SLC35F4: variants seen among roughly 807,000 people sequenced by gnomAD.
The protein encoded by SLC35F4 is chromosome 14 open reading frame 36.
SLC35F4 carries 24 observed loss-of-function variants against 44.2 expected under a neutral mutation model. That is an observed-to-expected ratio of 0.54 (90% CI 0.39 to 0.76). The LOEUF is 0.76. Among genes scored for constraint, SLC35F4 ranks in the 30% least tolerant of loss-of-function variants. The probability of loss-of-function intolerance (pLI) is 0.00; values close to 1 mark genes in which losing one functional copy is unlikely to be tolerated. For synonymous variants in SLC35F4, 238 were observed against 223.6 expected (o/e 1.06, Z -0.57); for missense variants, 562 against 586.1 (o/e 0.96, Z 0.42).
At chr14:57,741,867 C>T (rs1324662363) in intron 1 of SLC35F4, among the ~76,000 whole-genome samples, 1 of 152,200 alleles carries the variant, frequency 6.6e-6, no homozygotes, top group African/African-American at 2.4e-5. Flanking sequence ...AGACTAACAG[C>T]AGATCTCTTG....
chr14:57,675,651 T>G (rs111254292), intron 1 of SLC35F4, among the ~76,000 whole-genome samples: 22,446 of 152,102 alleles, frequency 0.15, 1,903 homozygotes, highest in East Asian at 0.29. Context: ...GCTGTGGGTT[T>G]GTCATATATT....
chr14:57,770,706 A>C (rs1251667142), intron 1 of SLC35F4, among the ~76,000 whole-genome samples: 1 of 152,174 alleles, frequency 6.6e-6, no homozygotes, highest in Non-Finnish European at 1.5e-5. Context: ...AAGGATTTTC[A>C]AGTCAAATTT....
At chr14:57,781,155 G>T (rs920812688) in intron 1 of SLC35F4, among the ~76,000 whole-genome samples, 1 of 152,038 alleles carries the variant, frequency 6.6e-6, no homozygotes, top group African/African-American at 2.4e-5. Flanking sequence ...AGAAATATTT[G>T]CAAGCAATGC....
At chr14:57,604,874 T>C (rs147179628) in intron 1 of SLC35F4, among the ~76,000 whole-genome samples, 3,687 of 152,268 alleles carry the variant, frequency 0.024, 73 homozygotes, top group Middle Eastern at 0.054. Context: ...CCCTATTCAA[T>C]AAATGGTGCT....
chr14:57,719,766 A>C (rs957293938), intron 1 of SLC35F4, among the ~76,000 whole-genome samples: 1 of 152,136 alleles, frequency 6.6e-6, no homozygotes, highest in Non-Finnish European at 1.5e-5. Flanking sequence ...AACAATGATA[A>C]TTTGGCTCCT....
At chr14:57,750,221 ATTC>A (rs1431320433) in intron 1 of SLC35F4, among the ~76,000 whole-genome samples, 1 of 152,102 alleles carries the variant, frequency 6.6e-6, no homozygotes, top group Admixed American at 6.5e-5. Flanking sequence ...ACAGGATTTC[ATTC>A]TTTTTTTTAG....
chr14:57,948,330 A>G (rs1434165068), intron 1 of SLC35F4, among the ~76,000 whole-genome samples: 1 of 152,078 alleles, frequency 6.6e-6, no homozygotes, highest in Non-Finnish European at 1.5e-5. Context: ...AAAGTTATTC[A>G]TAGTAGCCTT....
chr14:57,832,156 A>G (rs576563888), intron 1 of SLC35F4, among the ~76,000 whole-genome samples: 5 of 152,326 alleles, frequency 3.3e-5, no homozygotes, highest in African/African-American at 9.6e-5. Flanking sequence ...TAGGAGGCAC[A>G]TACAGCCTTC....
intron 1 of SLC35F4, among the ~76,000 whole-genome samples, chr14:57,825,913 A>C (rs925581477): frequency 6.6e-6 from 1 of 152,220 alleles, no homozygotes; most frequent in Non-Finnish European, 1.5e-5. Context: ...AGAAAGAATC[A>C]ATATCACAAA....
intron 1 of SLC35F4, among the ~76,000 whole-genome samples, chr14:57,673,846 C>A (rs139513384): frequency 1.3e-5 from 2 of 152,020 alleles, no homozygotes; most frequent in African/African-American, 4.8e-5. Context: ...AACTTCTGCT[C>A]ATTATTGTAC....
chr14:57,624,476 C>G (rs1021293093), intron 1 of SLC35F4, among the ~76,000 whole-genome samples: 23 of 152,260 alleles, frequency 1.5e-4, no homozygotes, highest in Admixed American at 5.2e-4. Context: ...CATCCTGATA[C>G]AACAACCTGG....
chr14:57,635,225 G>A (rs1429892232), intron 1 of SLC35F4, among the ~76,000 whole-genome samples: 4 of 144,332 alleles, frequency 2.8e-5, no homozygotes, highest in African/African-American at 7.8e-5. Flanking sequence ...TAGCCTGGGT[G>A]ACAAAGCAAG....
chr14:57,810,422 T>C (rs920157318), intron 1 of SLC35F4, among the ~76,000 whole-genome samples: 2 of 152,200 alleles, frequency 1.3e-5, no homozygotes, highest in Non-Finnish European at 2.9e-5. Context: ...TTTTCATAAT[T>C]TTACTTTTTG....
intron 1 of SLC35F4, among the ~76,000 whole-genome samples, chr14:57,899,951 C>G (rs1363454812): frequency 6.6e-6 from 1 of 152,092 alleles, no homozygotes; most frequent in East Asian, 1.9e-4. Flanking sequence ...AGTGGGTTAC[C>G]ACTGCTGGCT....
At chr14:57,878,029 A>C (rs1227729734) in intron 1 of SLC35F4, among the ~76,000 whole-genome samples, 1 of 151,970 alleles carries the variant, frequency 6.6e-6, no homozygotes, top group Non-Finnish European at 1.5e-5. Context: ...GTGAGATGGT[A>C]TCTCGTTGTG....
At chr14:57,850,822 T>C (rs1310200404) in intron 1 of SLC35F4, among the ~76,000 whole-genome samples, 4 of 152,296 alleles carry the variant, frequency 2.6e-5, no homozygotes, top group Non-Finnish European at 4.4e-5. Flanking sequence ...GACCTTAACA[T>C]TGAAACGGAT....
At chr14:57,867,195 CT>C (rs1339844442), upstream of SLC35F4, among the ~76,000 whole-genome samples, 1 of 152,044 alleles carries the variant, frequency 6.6e-6, no homozygotes, top group African/African-American at 2.4e-5. Flanking sequence ...TTCAATGCCC[CT>C]CTCAGAAACC....
chr14:57,705,137 A>T (rs1480352776), intron 1 of SLC35F4, among the ~76,000 whole-genome samples: 1 of 152,236 alleles, frequency 6.6e-6, no homozygotes, highest in African/African-American at 2.4e-5. Context: ...AAAAATTTTG[A>T]ATAGTGGCTG....
intron 1 of SLC35F4, among the ~76,000 whole-genome samples, chr14:57,681,502 T>G (rs907316866): frequency 6.6e-6 from 1 of 151,920 alleles, no homozygotes; most frequent in African/African-American, 2.4e-5. Context: ...AAAAATTAAC[T>G]CAAGTTGGAT....
Sources: allele counts gnomAD v4.1 joint callset (sites outside exome capture counted in the v4.1 genomes callset), GRCh38; gene constraint gnomAD v4.1.1; transcripts MANE v1.5; gene names NCBI Gene and HGNC (gene_info 2026-07-23, HGNC 2026-07-21).